The following GALNT18 variants were observed in gnomAD, a reference collection of about 807,000 sequenced individuals.
GALNT18 encodes the protein GalNAc-transferase 18.
GALNT18 carries 44 observed loss-of-function variants against 69.5 expected under a neutral mutation model. That is an observed-to-expected ratio of 0.63 (90% CI 0.50 to 0.81). The LOEUF (loss-of-function observed/expected upper bound fraction) is 0.81. Ranked by LOEUF, GALNT18 falls within the 40% of genes least tolerant of loss-of-function variation. GALNT18 has a pLI of 0.00. For synonymous variants in GALNT18, 364 were observed against 318.2 expected (o/e 1.14, Z -1.53); for missense variants, 715 against 810.0 (o/e 0.88, Z 1.42).
chr11:11,379,234 A>G lies in GALNT18; in HGVS notation c.626T>C (p.Val209Ala), dbSNP rs1451096364. 1.2e-6 allele frequency: 2 copies of G among 1,613,106 alleles called. No individual in the cohort carries two copies. Among genetic ancestry groups the G allele is most frequent in the East Asian group, 2.2e-5 (1 of 44,854 alleles). ...TGGCTTCTGGCTGTTCACCTTGTCC[A>G]CATATTCGGTCAGCTTCTCCTTCAG... is the stretch of plus-strand genomic sequence containing the variant. ...EELKEKLTEY[V>A]DKVNSQKPGF... Residue 209 changes from valine to alanine, a missense_variant, in exon 4 of 11, where the codon GTG (valine) becomes GCG (alanine). Physicochemically the swap from Val to Ala is moderately conservative, Grantham distance 64. Coordinates refer to ENST00000227756, the MANE Select transcript of GALNT18 (RefSeq NM_198516.3).
Position 11,621,462 on chromosome 11 carries a change from C to T in GALNT18, c.132G>A (p.Gln44=). ...NYIASVYVRG[Q]EPAPDKKLEE... Reference sequence around the variant, plus strand: ...CCAGCTTCTTGTCGGGCGCCGGCTCCTGCCCCCGCACATACACGCTGGCGA... The same window carrying T: ...CCAGCTTCTTGTCGGGCGCCGGCTCTTGCCCCCGCACATACACGCTGGCGA... Residue 44 remains glutamine (Q), a synonymous_variant, in exon 1 of 11, where the codon CAG becomes CAA. Transcript: ENST00000227756. The surrounding 1 kb of genome is among the most constrained non-coding windows in gnomAD (Gnocchi z 9.3). 6.2e-7 allele frequency: 1 copy of T among 1,614,194 alleles called. No homozygotes were observed. Among genetic ancestry groups the T allele is most frequent in the Non-Finnish European group, 8.5e-7 (1 of 1,180,032 alleles).
intron 9 of GALNT18, among the ~76,000 whole-genome samples, chr11:11,321,758 AT>A (rs1179580997): frequency 6.6e-6 from 1 of 152,176 alleles, no homozygotes; most frequent in Non-Finnish European, 1.5e-5. Flanking sequence ...GTGTGCCAAC[AT>A]GCCTGGCTAA....
At chr11:11,574,910 C>T (rs1404381798) in intron 1 of GALNT18, among the ~76,000 whole-genome samples, 1 of 152,182 alleles carries the variant, frequency 6.6e-6, no homozygotes, top group Non-Finnish European at 1.5e-5. Context: ...CCTCTCAGAC[C>T]CAAAGCATGC....
Position 11,598,856 on chromosome 11 carries a change from A to T in GALNT18, c.235+22503T>A, listed in dbSNP as rs1411825823. ...TTCTTCTATCCCTTGGTTATTTAGG[A>T]GTATGTTATCTAATATCCATGTATT... is the stretch of plus-strand genomic sequence containing the variant. On this transcript the variant is annotated intron_variant, in intron 1 of 10. Coordinates refer to ENST00000227756, the MANE Select transcript of GALNT18 (RefSeq NM_198516.3). The surrounding 1 kb of genome is among the most constrained non-coding windows in gnomAD (Gnocchi z 4.8). Among the ~76,000 whole-genome samples the T allele has an allele frequency of 6.6e-6, 1 of 151,942 alleles. No homozygotes were observed. Among genetic ancestry groups the T allele is most frequent in the Non-Finnish European group, 1.5e-5 (1 of 67,976 alleles).
At chr11:11,327,542 G>A (rs1849944780) in intron 8 of GALNT18, among the ~76,000 whole-genome samples, 1 of 152,222 alleles carries the variant, frequency 6.6e-6, no homozygotes, top group Non-Finnish European at 1.5e-5. Flanking sequence ...CTTTAGTGTT[G>A]GGGGAAATGG....
intron 1 of GALNT18, among the ~76,000 whole-genome samples, chr11:11,574,212 C>T (rs4243937): frequency 0.95 from 144,901 of 152,200 alleles, 69,066 homozygotes; most frequent in East Asian, 1. Flanking sequence ...TATAGGACAA[C>T]TGCACACTAG....
chr11:11,515,177 C>A (rs1027253364), intron 1 of GALNT18, among the ~76,000 whole-genome samples: 2 of 152,078 alleles, frequency 1.3e-5, no homozygotes, highest in Non-Finnish European at 2.9e-5. Flanking sequence ...TCCTAAGATA[C>A]CATGAGAATA....
chr11:11,432,477 T>C lies in GALNT18; in HGVS notation c.595+144A>G, dbSNP rs143493468. On this transcript the variant is annotated intron_variant, in intron 3 of 10. Coordinates refer to ENST00000227756, the MANE Select transcript of GALNT18 (RefSeq NM_198516.3). This position sits in a 1 kb window ranked among gnomAD's most constrained non-coding sequence, Gnocchi z 5.8. Reference sequence around the variant, plus strand: ...AGACGGAGTGAACCTTCTGAAGCAGTGGCCACCATGAATTTCTCATCTATG... The same window carrying C: ...AGACGGAGTGAACCTTCTGAAGCAGCGGCCACCATGAATTTCTCATCTATG... The C allele has an allele frequency of 7.8e-3, 6,373 of 815,408 alleles. 76 individuals are homozygous for C. The highest frequency in any genetic ancestry group is 0.05 in the East Asian group (1,858 of 36,918). 50.5% of individuals were successfully genotyped at this position (815,408 alleles called of 1,614,324 possible).
intron 1 of GALNT18, among the ~76,000 whole-genome samples, chr11:11,464,063 C>T (rs552690188): frequency 3.9e-5 from 6 of 152,148 alleles, no homozygotes; most frequent in South Asian, 2.1e-4. Flanking sequence ...AGAAACTGCA[C>T]GTCCAAGATG....
chr11:11,428,060 T>G (rs1855173966), intron 3 of GALNT18, among the ~76,000 whole-genome samples: 1 of 152,256 alleles, frequency 6.6e-6, no homozygotes, highest in Admixed American at 6.5e-5. Flanking sequence ...TCCATCACCC[T>G]CTTCCTTCCG....
At chr11:11,405,268 C>A (rs762833620) in intron 3 of GALNT18, among the ~76,000 whole-genome samples, 2 of 152,152 alleles carry the variant, frequency 1.3e-5, no homozygotes, top group Non-Finnish European at 2.9e-5. Flanking sequence ...GTGAAGGAGA[C>A]TCATGAGAAA....
chr11:11,443,459 C>T (rs780596818), intron 2 of GALNT18, among the ~76,000 whole-genome samples: 7 of 152,098 alleles, frequency 4.6e-5, no homozygotes, highest in Non-Finnish European at 7.4e-5. Context: ...CCTCTGTAGT[C>T]CACACCCCAA....
chr11:11,499,206 C>A (rs1564980192), intron 1 of GALNT18, among the ~76,000 whole-genome samples: 1 of 152,344 alleles, frequency 6.6e-6, no homozygotes, highest in East Asian at 1.9e-4. Flanking sequence ...AAGACCAGTT[C>A]TCTATCCCAA....
At chr11:11,519,921 G>A (rs1252976252) in intron 1 of GALNT18, among the ~76,000 whole-genome samples, 1 of 152,218 alleles carries the variant, frequency 6.6e-6, no homozygotes, top group Non-Finnish European at 1.5e-5. Context: ...CCCAGTGCCT[G>A]ACAGAGGTGG....
chr11:11,281,589 AG>A (rs1849076429), intron 10 of GALNT18, among the ~76,000 whole-genome samples: 1 of 152,164 alleles, frequency 6.6e-6, no homozygotes, highest in South Asian at 2.1e-4. Flanking sequence ...AAGACACCAC[AG>A]CCCTTTCTTT....
At chr11:11,467,213 C>T (rs914435262) in intron 1 of GALNT18, among the ~76,000 whole-genome samples, 5 of 152,190 alleles carry the variant, frequency 3.3e-5, no homozygotes, top group Non-Finnish European at 7.3e-5. Context: ...TCTCTCCACA[C>T]TGACACGCAG....
chr11:11,447,491 G>T (rs1855683220), intron 2 of GALNT18, among the ~76,000 whole-genome samples: 1 of 152,124 alleles, frequency 6.6e-6, no homozygotes, highest in Non-Finnish European at 1.5e-5. Context: ...TGTATGTTTT[G>T]TTCACTGCTT....
In GALNT18 at chr11:11,461,846, C is replaced by T. The variant is rs1031216095; in HGVS notation, c.236-12910G>A. Among the ~76,000 whole-genome samples, 1 of 152,260 alleles carries T rather than the reference C, an allele frequency of 6.6e-6. No individual in the cohort carries two copies. The highest frequency in any genetic ancestry group is 1.5e-5 in the Non-Finnish European group (1 of 68,048). On this transcript the variant is annotated intron_variant, in intron 1 of 10. Coordinates refer to ENST00000227756, the MANE Select transcript of GALNT18 (RefSeq NM_198516.3). The surrounding 1 kb of genome is among the most constrained non-coding windows in gnomAD (Gnocchi z 4.1). ...CCAGACGCCATGACTCCTTTCAAGG[C>T]TCTGCTACAAGAGTCCTTGCTTTGG...
intron 1 of GALNT18, among the ~76,000 whole-genome samples, chr11:11,532,524 T>C (rs915092690): frequency 6.6e-5 from 10 of 152,190 alleles, no homozygotes; most frequent in Middle Eastern, 3.2e-3. Flanking sequence ...ACTCAATCAA[T>C]GCTCATAAAA....
Sources: gnomAD v4.1 joint callset for allele counts (sites outside exome capture counted in the v4.1 genomes callset) on GRCh38, gnomAD v4.1.1 for gene constraint, Gnocchi (gnomAD v3.1) non-coding constraint, MANE v1.5 for transcripts, NCBI Gene and HGNC (gene_info 2026-07-23, HGNC 2026-07-21) for gene names.